Variants in WDPCP observed in about 807,000 individuals in gnomAD.
The protein encoded by WDPCP is WD repeat-containing and planar cell polarity effector protein fritz homolog.
WDPCP carries 71 observed loss-of-function variants against 93.1 expected under a neutral mutation model. The ratio of observed to expected loss-of-function variants is 0.76; its 90% CI spans 0.63 to 0.93. The LOEUF (loss-of-function observed/expected upper bound fraction) is 0.93, where lower values mean the gene tolerates loss of function less well. Ranked by LOEUF, WDPCP falls within the 40% of genes least tolerant of loss-of-function variation. WDPCP has a pLI of 0.00. For missense variants in WDPCP, 844 were observed against 887.4 expected, an observed-to-expected ratio of 0.95 and a Z score of 0.62; for synonymous variants, 315 against 315.0, an observed-to-expected ratio of 1.00 and a Z score of 0.00.
chr2:63,225,099 T>TACTC (rs1317617793), intron 14 of WDPCP, among the ~76,000 whole-genome samples: 1 of 151,148 alleles, frequency 6.6e-6, no homozygotes, highest in Non-Finnish European at 1.5e-5. Context: ...TTTATAAAGA[T>TACTC]ACTCAGGAAT....
At chr2:63,829,583 A>T (rs1301459531), upstream of WDPCP, among the ~76,000 whole-genome samples, 1 of 152,042 alleles carries the variant, frequency 6.6e-6, no homozygotes, top group African/African-American at 2.4e-5. Context: ...TTGCTACTTT[A>T]TTCCTTTAAA....
At chr2:63,335,472 G>A (rs1198769345) in intron 12 of WDPCP, among the ~76,000 whole-genome samples, 6 of 149,082 alleles carry the variant, frequency 4.0e-5, no homozygotes, top group African/African-American at 1.5e-4. Context: ...CACCCAGGCT[G>A]GAGTGCAGTG....
At chr2:63,491,183 T>C (rs949387397) in intron 2 of WDPCP, among the ~76,000 whole-genome samples, 1 of 152,200 alleles carries the variant, frequency 6.6e-6, no homozygotes, top group Non-Finnish European at 1.5e-5. Flanking sequence ...ATGGATTTAG[T>C]ATTTTTCCTT....
rs142093349 is a variant in WDPCP at position 63,736,333 on chromosome 2, A to G, written n.308+77289T>C. Among the ~76,000 whole-genome samples, 137 of 152,348 alleles carry G rather than the reference A, an allele frequency of 9.0e-4. 2 individuals are homozygous for G. The highest frequency in any genetic ancestry group is 3.1e-3 in the African/African-American group (128 of 41,594). Reference sequence around the variant, plus strand: ...TCAGAAAATTGGAAACCTGCAAGGTATTGCTGTCTGGATGAAATACTGATG... The same window carrying G: ...TCAGAAAATTGGAAACCTGCAAGGTGTTGCTGTCTGGATGAAATACTGATG... On this transcript the variant is annotated intron_variant and non_coding_transcript_variant, in intron 2 of 4. Coordinates refer to the WDPCP transcript ENST00000467687.
chr2:63,609,773 G>C (rs968514229), intron 3 of WDPCP, among the ~76,000 whole-genome samples: 1 of 152,132 alleles, frequency 6.6e-6, no homozygotes, highest in Non-Finnish European at 1.5e-5. Context: ...TCGGGAGTCC[G>C]AGGTGGGAGG....
chr2:63,554,647 C>T (rs977337520), intron 1 of WDPCP, among the ~76,000 whole-genome samples: 6 of 66,850 alleles, frequency 9.0e-5, no homozygotes, highest in African/African-American at 3.8e-4. Flanking sequence ...AGCGAAACTC[C>T]GTCTCAAAAA....
Position 63,718,510 on chromosome 2 carries a change from G to A in WDPCP, n.309-67672C>T, listed in dbSNP as rs560590137. Reference sequence around the variant, plus strand: ...TTGCATTTCTCTGATGATTAGTGACGTAGAGCATTTTTTCATGTTTGTTGG... The same window carrying A: ...TTGCATTTCTCTGATGATTAGTGACATAGAGCATTTTTTCATGTTTGTTGG... On this transcript the variant is annotated intron_variant and non_coding_transcript_variant, in intron 2 of 4. Coordinates refer to the WDPCP transcript ENST00000467687. 5.9e-5 allele frequency among the ~76,000 whole-genome samples: 9 copies of A among 152,232 alleles called. No homozygotes were observed. In the East Asian group the frequency reaches 7.7e-4, roughly 13 times the overall value.
intron 15 of WDPCP, among the ~76,000 whole-genome samples, chr2:63,165,785 G>A (rs1256350965): frequency 6.6e-6 from 1 of 151,184 alleles, no homozygotes; most frequent in Non-Finnish European, 1.5e-5. Context: ...ACCCTCCCTT[G>A]TTTAAATGGT....
chr2:63,684,636 G>T, intron 2 of WDPCP: 1 of 701,598 alleles, frequency 1.4e-6, no homozygotes. Context: ...CGCAAGGCCT[G>T]ACGAGAGGTC....
chr2:63,395,116 A>C (rs1314623356), intron 10 of WDPCP, among the ~76,000 whole-genome samples: 1 of 152,176 alleles, frequency 6.6e-6, no homozygotes, highest in Non-Finnish European at 1.5e-5. Flanking sequence ...ATACATACTA[A>C]CGTTGAAGAT....
At chr2:63,518,208 T>A (rs1002129529) in intron 1 of WDPCP, 3 of 152,128 alleles carry the variant, frequency 2.0e-5, no homozygotes, top group African/African-American at 7.2e-5. Context: ...TTTTAAAAAA[T>A]TATATTTTTA....
chr2:63,124,261 TA>T (rs1043342974), intron 17 of WDPCP, among the ~76,000 whole-genome samples: 4 of 152,100 alleles, frequency 2.6e-5, no homozygotes, highest in African/African-American at 9.7e-5. Context: ...TTTTGTTCAA[TA>T]ATAGGAAGTT....
chr2:63,402,896 A>G (rs552206941), intron 10 of WDPCP, among the ~76,000 whole-genome samples: 7 of 152,344 alleles, frequency 4.6e-5, no homozygotes, highest in East Asian at 1.9e-4. Flanking sequence ...TAAAAGCAAA[A>G]CTACTATTTG....
chr2:63,203,363 T>G (rs577076446), intron 14 of WDPCP, among the ~76,000 whole-genome samples: 3 of 152,320 alleles, frequency 2.0e-5, no homozygotes, highest in African/African-American at 7.2e-5. Flanking sequence ...TAAATTATTA[T>G]TGACTAAAGT....
chr2:63,517,413 C>T (rs532803370), intron 1 of WDPCP, among the ~76,000 whole-genome samples: 8 of 152,098 alleles, frequency 5.3e-5, no homozygotes, highest in African/African-American at 9.6e-5. Flanking sequence ...CCCTTTATTA[C>T]CCCAAAAAAG....
At chr2:63,443,423 T>C (rs1224284421) in intron 6 of WDPCP, among the ~76,000 whole-genome samples, 3 of 152,112 alleles carry the variant, frequency 2.0e-5, no homozygotes, top group African/African-American at 4.8e-5. Flanking sequence ...CATAAATATC[T>C]GGAGAAAAGG....
chr2:63,604,921 G>T (rs376759599), intron 3 of WDPCP: 25 of 1,587,834 alleles, frequency 1.6e-5, no homozygotes, highest in Non-Finnish European at 2.1e-5. Context: ...AAGAACTCTT[G>T]AGAGACTCTT....
intron 1 of WDPCP, chr2:63,517,959 G>C (rs1359166036): frequency 6.6e-6 from 1 of 152,182 alleles, no homozygotes; most frequent in Admixed American, 6.6e-5. Context: ...TGTGATCTCA[G>C]CTCGCTACAA....
chr2:63,152,661 T>G (rs1416150032), intron 17 of WDPCP, among the ~76,000 whole-genome samples: 3 of 152,230 alleles, frequency 2.0e-5, no homozygotes, highest in Non-Finnish European at 4.4e-5. Context: ...GTAATTTCAT[T>G]TGTACCTACT....
Sources: gnomAD v4.1 joint callset for allele counts (sites outside exome capture counted in the v4.1 genomes callset) on GRCh38, gnomAD v4.1.1 for gene constraint, MANE v1.5 for transcripts, NCBI Gene and HGNC (gene_info 2026-07-23, HGNC 2026-07-21) for gene names.